The following CTNNBL1 variants were observed in gnomAD, a reference collection of about 807,000 sequenced individuals.
The protein encoded by CTNNBL1 is catenin beta like 1.
In CTNNBL1, 31 loss-of-function variants were observed where a neutral mutation model predicts 72.7. That is an observed-to-expected ratio of 0.43 (90% CI 0.32 to 0.58). The LOEUF (loss-of-function observed/expected upper bound fraction) is 0.58. Ranked by LOEUF, CTNNBL1 falls within the 20% of genes least tolerant of loss-of-function variation. The pLI, the probability that CTNNBL1 is intolerant of heterozygous loss-of-function variation, is 0.08. For missense variants in CTNNBL1, 534 were observed against 725.1 expected, an observed-to-expected ratio of 0.74 and a Z score of 3.03; for synonymous variants, 240 against 267.3, an observed-to-expected ratio of 0.90 and a Z score of 1.00.
chr20:37,821,943 C>T (rs2072111818), intron 11 of CTNNBL1, among the ~76,000 whole-genome samples: 1 of 152,006 alleles, frequency 6.6e-6, no homozygotes, highest in African/African-American at 2.4e-5. Context: ...CCTCCCCCTG[C>T]ACAACCCCCA....
intron 15 of CTNNBL1, among the ~76,000 whole-genome samples, chr20:37,861,506 C>A (rs1440927990): frequency 1.3e-5 from 2 of 152,224 alleles, no homozygotes; most frequent in African/African-American, 2.4e-5. Context: ...CTAGACAAAT[C>A]AGTGTTCACC....
intron 11 of CTNNBL1, among the ~76,000 whole-genome samples, chr20:37,805,270 G>A (rs2071945266): frequency 6.6e-6 from 1 of 152,222 alleles, no homozygotes; most frequent in Non-Finnish European, 1.5e-5. Context: ...GAATACTGGT[G>A]GGCATGCCCA....
At chr20:37,738,550 C>G (rs1225876861) in intron 3 of CTNNBL1, among the ~76,000 whole-genome samples, 1 of 152,184 alleles carries the variant, frequency 6.6e-6, no homozygotes, top group East Asian at 1.9e-4. Context: ...CCAGGACATA[C>G]AATTTTAATG....
intron 15 of CTNNBL1, among the ~76,000 whole-genome samples, chr20:37,869,203 C>T (rs757961143): frequency 6.1e-4 from 93 of 152,224 alleles, no homozygotes; most frequent in South Asian, 4.2e-4. Flanking sequence ...TTCTGGCACA[C>T]GACCAAAGTA....
intron 13 of CTNNBL1, among the ~76,000 whole-genome samples, chr20:37,859,228 G>T (rs1311276383): frequency 6.6e-6 from 1 of 151,694 alleles, no homozygotes; most frequent in Non-Finnish European, 1.5e-5. Context: ...GTGGTGGCAC[G>T]TGCCTGTAAT....
chr20:37,799,482 T>C (rs2073805668), intron 10 of CTNNBL1, among the ~76,000 whole-genome samples: 1 of 152,150 alleles, frequency 6.6e-6, no homozygotes, highest in South Asian at 2.1e-4. Flanking sequence ...ACAGTGTCCT[T>C]GCTCTTCGTT....
chr20:37,849,478 C>T (rs1219463565), intron 13 of CTNNBL1, among the ~76,000 whole-genome samples: 1 of 152,224 alleles, frequency 6.6e-6, no homozygotes, highest in Non-Finnish European at 1.5e-5. Context: ...CTCAAACCTT[C>T]TAGACATTGG....
At chr20:37,846,448 G>GT (rs1307082866) in intron 13 of CTNNBL1, among the ~76,000 whole-genome samples, 12 of 152,096 alleles carry the variant, frequency 7.9e-5, no homozygotes, top group Admixed American at 7.9e-4. Context: ...GATGGTGTTT[G>GT]TTTTGTGTTT....
At chr20:37,805,864 G>A (rs1163674256) in intron 11 of CTNNBL1, among the ~76,000 whole-genome samples, 5 of 152,186 alleles carry the variant, frequency 3.3e-5, no homozygotes, top group East Asian at 1.9e-4. Flanking sequence ...GCCTGGTCCC[G>A]TGGTGCTTGG....
chr20:37,863,195 C>G (rs987759232), intron 15 of CTNNBL1, among the ~76,000 whole-genome samples: 1 of 152,150 alleles, frequency 6.6e-6, no homozygotes, highest in African/African-American at 2.4e-5. Flanking sequence ...AGGTGTCACA[C>G]GGCAGCTGCC....
chr20:37,803,690 C>T lies in CTNNBL1; in HGVS notation c.1213+642C>T, dbSNP rs550836895. 1.6e-4 allele frequency among the ~76,000 whole-genome samples: 25 copies of T among 152,242 alleles called. No homozygotes were observed. In the South Asian group the frequency reaches 4.2e-3, roughly 25 times the overall value. ...TGAGCATTGACAGTTCTGCTGGAGG[C>T]TGGCAGACACTTGCACCAGGGAATT... is the stretch of plus-strand genomic sequence containing the variant. On this transcript the variant is annotated intron_variant, in intron 11 of 15. Coordinates refer to ENST00000361383, the MANE Select transcript of CTNNBL1 (RefSeq NM_030877.5).
intron 10 of CTNNBL1, among the ~76,000 whole-genome samples, chr20:37,784,573 A>T (rs1330949181): frequency 6.6e-6 from 1 of 152,236 alleles, no homozygotes; most frequent in African/African-American, 2.4e-5. Context: ...GACAGGCTTA[A>T]CACTGATTGC....
intron 10 of CTNNBL1, among the ~76,000 whole-genome samples, chr20:37,802,165 C>T (rs1349158378): frequency 6.6e-6 from 1 of 152,112 alleles, no homozygotes; most frequent in Non-Finnish European, 1.5e-5. Context: ...ATGTGTTATT[C>T]AGCAATAAAA....
chr20:37,720,927 T>G (rs2073035091), intron 1 of CTNNBL1, among the ~76,000 whole-genome samples: 1 of 152,222 alleles, frequency 6.6e-6, no homozygotes, highest in Non-Finnish European at 1.5e-5. Flanking sequence ...GGGAGAGATC[T>G]GATACAGTGC....
chr20:37,763,096 C>T (rs1039230052), intron 5 of CTNNBL1, among the ~76,000 whole-genome samples: 7 of 152,170 alleles, frequency 4.6e-5, no homozygotes, highest in African/African-American at 1.7e-4. Context: ...GCAGAACTGG[C>T]AAGCAGTGTG....
At chr20:37,795,318 T>A (rs766972706) in intron 10 of CTNNBL1, among the ~76,000 whole-genome samples, 4 of 151,786 alleles carry the variant, frequency 2.6e-5, no homozygotes, top group African/African-American at 7.3e-5. Flanking sequence ...CCAGCTAATT[T>A]AAAAAAAATA....
At chr20:37,853,135 ATGT>A (rs1384595525) in intron 13 of CTNNBL1, among the ~76,000 whole-genome samples, 2 of 152,184 alleles carry the variant, frequency 1.3e-5, no homozygotes, top group African/African-American at 4.8e-5. Context: ...TTCAGTCCCC[ATGT>A]GCTAAGGAGG....
At chr20:37,786,126 G>C (rs1288201944) in intron 10 of CTNNBL1, among the ~76,000 whole-genome samples, 10 of 152,084 alleles carry the variant, frequency 6.6e-5, no homozygotes, top group Non-Finnish European at 4.4e-5. Context: ...CTCTCTCTCT[G>C]TGCTGAGCTG....
At chr20:37,753,206 A>G (rs1265893213) in intron 4 of CTNNBL1, among the ~76,000 whole-genome samples, 1 of 152,112 alleles carries the variant, frequency 6.6e-6, no homozygotes, top group African/African-American at 2.4e-5. Context: ...AAAGTTGGGA[A>G]TTTATATAAA....
Sources: allele counts gnomAD v4.1 joint callset (sites outside exome capture counted in the v4.1 genomes callset), GRCh38; gene constraint gnomAD v4.1.1; transcripts MANE v1.5; gene names NCBI Gene and HGNC (gene_info 2026-07-23, HGNC 2026-07-21).